Variants in TMEM232 observed in about 807,000 individuals in gnomAD.
TMEM232 encodes transmembrane protein 232.
TMEM232 carries 80 observed loss-of-function variants against 78.8 expected under a neutral mutation model. That is an observed-to-expected ratio of 1.01 (90% CI 0.85 to 1.22). TMEM232 has a LOEUF of 1.22. Ranked by LOEUF, TMEM232 falls within the 50% of genes most tolerant of loss-of-function variation. The pLI is 0.00. For synonymous variants in TMEM232, 297 were observed against 254.3 expected, an observed-to-expected ratio of 1.17 and a Z score of -1.60; for missense variants, 881 against 742.2, an observed-to-expected ratio of 1.19 and a Z score of -2.17.
At chr5:110,393,103 G>A (rs1165918164) in intron 3 of TMEM232, among the ~76,000 whole-genome samples, 1 of 152,036 alleles carries the variant, frequency 6.6e-6, no homozygotes, top group African/African-American at 2.4e-5. Flanking sequence ...TAATATGTTG[G>A]GGGAATAGAC....
chr5:110,660,268 A>T (rs749715947), intron 2 of TMEM232, among the ~76,000 whole-genome samples: 1 of 152,120 alleles, frequency 6.6e-6, no homozygotes, highest in African/African-American at 2.4e-5. Flanking sequence ...AGAGAGTGAA[A>T]TGATACCAAC....
chr5:110,621,562 T>C (rs900878181), intron 7 of TMEM232, among the ~76,000 whole-genome samples: 4 of 152,196 alleles, frequency 2.6e-5, no homozygotes, highest in Non-Finnish European at 4.4e-5. Context: ...TTTACAAAAT[T>C]ATCCATCTGT....
At chr5:110,518,702 G>C (rs10038614) in intron 12 of TMEM232, among the ~76,000 whole-genome samples, 23,967 of 152,056 alleles carry the variant, frequency 0.16, 4,640 homozygotes, top group African/African-American at 0.47. Flanking sequence ...TGCCCACCAG[G>C]CTTGCTGCAC....
Position 110,526,125 on chromosome 5 carries a change from G to C in TMEM232, c.1703+2463C>G, listed in dbSNP as rs562787692. ...TAAAAGATAATATTGGTCACATTTT[G>C]TCAAATTCTGTCATTTTTAATCTTA... On this transcript the variant is annotated intron_variant, in intron 12 of 13. Coordinates refer to ENST00000455884, the MANE Select transcript of TMEM232 (RefSeq NM_001039763.4). 3.2e-3 allele frequency among the ~76,000 whole-genome samples: 474 copies of C among 148,524 alleles called. 2 individuals are homozygous for C. Among genetic ancestry groups the C allele is most frequent in the African/African-American group, 0.011 (457 of 40,524 alleles).
intron 12 of TMEM232, among the ~76,000 whole-genome samples, chr5:110,528,172 C>G (rs1770881170): frequency 6.6e-6 from 1 of 151,824 alleles, no homozygotes; most frequent in Non-Finnish European, 1.5e-5. Flanking sequence ...AACATAAAAT[C>G]TAATTAGCCT....
intron 12 of TMEM232, among the ~76,000 whole-genome samples, chr5:110,492,391 G>C (rs1039035126): frequency 2.6e-5 from 4 of 151,782 alleles, no homozygotes; most frequent in Admixed American, 6.6e-5. Context: ...TACCAGGAGT[G>C]TTAGTGTCAT....
At chr5:110,392,899 T>C (rs1174608985) in intron 3 of TMEM232, among the ~76,000 whole-genome samples, 2 of 152,220 alleles carry the variant, frequency 1.3e-5, no homozygotes, top group Non-Finnish European at 2.9e-5. Context: ...TGTCCCACAA[T>C]ATCTCATTTT....
chr5:110,556,970 C>T (rs1026453362), intron 11 of TMEM232, among the ~76,000 whole-genome samples: 16 of 152,024 alleles, frequency 1.1e-4, no homozygotes, highest in Non-Finnish European at 2.1e-4. Flanking sequence ...ATATGTTTTC[C>T]AAGTTGTTTG....
intron 5 of TMEM232, 65 bp from the exon 6 acceptor site, chr5:110,627,945 A>C: frequency 9.3e-7 from 1 of 1,074,724 alleles, no homozygotes; most frequent in South Asian, 1.6e-5. Flanking sequence ...AAACCATAAG[A>C]AAAATCAACC....
chr5:110,618,559 C>T lies in TMEM232; in HGVS notation c.772G>A (p.Gly258Arg). ...CAGAGCAGGTGGTTAATTTCATATC[C>T]TCCCTGATTAAATTGCAAATGTTTC... ...RYENTDSDMG[G>R]YEINHLLWHC... The change falls in exon 8 of 14, where the codon GGA becomes AGA. Residue 258 changes from glycine to arginine, a missense_variant. Coordinates refer to ENST00000455884, the MANE Select transcript of TMEM232 (RefSeq NM_001039763.4). 3 of 1,541,814 alleles carry T rather than the reference C, an allele frequency of 1.9e-6. No homozygotes were observed. Among genetic ancestry groups the T allele is most frequent in the South Asian group, 1.2e-5 (1 of 81,016 alleles).
intron 12 of TMEM232, among the ~76,000 whole-genome samples, chr5:110,511,457 AAAAG>A (rs1265911977): frequency 2.0e-5 from 3 of 152,026 alleles, no homozygotes; most frequent in East Asian, 1.9e-4. Context: ...AAAAAAAAGA[AAAAG>A]AAAAATGATA....
At chr5:110,488,455 T>C (rs943654247) in intron 12 of TMEM232, among the ~76,000 whole-genome samples, 1 of 152,180 alleles carries the variant, frequency 6.6e-6, no homozygotes, top group East Asian at 1.9e-4. Context: ...TATGGAGAAT[T>C]AAGCAATACT....
chr5:110,694,784 G>A (rs1489065515), intron 1 of TMEM232, among the ~76,000 whole-genome samples: 1 of 152,098 alleles, frequency 6.6e-6, no homozygotes, highest in African/African-American at 2.4e-5. Context: ...CAATACAGGA[G>A]CACCAAGATT....
chr5:110,647,539 T>A (rs1257248993), intron 2 of TMEM232, among the ~76,000 whole-genome samples: 30 of 152,000 alleles, frequency 2.0e-4, no homozygotes, highest in Non-Finnish European at 1.3e-4. Flanking sequence ...CGTGTTTTTA[T>A]GTGTTTCACA....
chr5:110,705,093 C>T (rs1371834176), intron 1 of TMEM232, among the ~76,000 whole-genome samples: 1 of 152,170 alleles, frequency 6.6e-6, no homozygotes, highest in Non-Finnish European at 1.5e-5. Flanking sequence ...ACTATATCTA[C>T]AGGTAACTTC....
At chr5:110,594,868 T>C (rs968404909) in intron 10 of TMEM232, among the ~76,000 whole-genome samples, 3 of 152,228 alleles carry the variant, frequency 2.0e-5, no homozygotes, top group African/African-American at 7.2e-5. Context: ...TAAACTTTCC[T>C]GCTGCCAGCT....
intron 12 of TMEM232, among the ~76,000 whole-genome samples, chr5:110,518,221 A>G (rs1015842284): frequency 6.6e-6 from 1 of 151,542 alleles, no homozygotes; most frequent in Admixed American, 6.6e-5. Context: ...CATCATCTGT[A>G]TACACTTTCC....
At chr5:110,489,809 G>A (rs1764833908) in intron 12 of TMEM232, among the ~76,000 whole-genome samples, 1 of 151,984 alleles carries the variant, frequency 6.6e-6, no homozygotes, top group Non-Finnish European at 1.5e-5. Context: ...CAAGGTCACA[G>A]GAAACAAGGT....
intron 12 of TMEM232, among the ~76,000 whole-genome samples, chr5:110,429,323 T>C (rs1386829946): frequency 6.6e-6 from 1 of 151,766 alleles, no homozygotes. Flanking sequence ...AAAAGATACA[T>C]ATAGGACATG....
Sources: gnomAD v4.1 joint callset for allele counts (sites outside exome capture counted in the v4.1 genomes callset) on GRCh38, gnomAD v4.1.1 for gene constraint, MANE v1.5 for transcripts, NCBI Gene and HGNC (gene_info 2026-07-23, HGNC 2026-07-21) for gene names.